ARMC2: variants seen among roughly 807,000 people sequenced by gnomAD.
ARMC2 encodes the protein armadillo repeat containing 2, also known as armadillo repeat-containing protein 2.
In ARMC2, 67 loss-of-function variants were observed where a neutral mutation model predicts 90.3. That is an observed-to-expected ratio of 0.74 (90% CI 0.61 to 0.91). ARMC2 has a LOEUF of 0.91. Among genes scored for constraint, ARMC2 ranks in the 40% least tolerant of loss-of-function variants. ARMC2 has a pLI of 0.00. For synonymous variants in ARMC2, 393 were observed against 393.0 expected (o/e 1.00, Z 0.00); for missense variants, 920 against 1,030.9 (o/e 0.89, Z 1.47).
the ARMC2 span, among the ~76,000 whole-genome samples, chr6:109,017,237 AC>A: frequency 6.6e-6 from 1 of 152,166 alleles, no homozygotes; most frequent in Non-Finnish European, 1.5e-5. Context: ...ATACTATGTA[AC>A]CATTTAGCAT....
At chr6:109,031,927 T>C in the ARMC2 span, among the ~76,000 whole-genome samples, 2 of 152,180 alleles carry the variant, frequency 1.3e-5, no homozygotes, top group Admixed American at 1.3e-4. Flanking sequence ...AGTCTAAACA[T>C]GAAATTCACT....
chr6:108,940,369 CCCAAGTG>C (rs1313508109), intron 12 of ARMC2, among the ~76,000 whole-genome samples: 1 of 152,114 alleles, frequency 6.6e-6, no homozygotes, highest in Non-Finnish European at 1.5e-5. Flanking sequence ...GAGAGAGGCA[CCCAAGTG>C]GAACTTCTGG....
Position 108,926,910 on chromosome 6 carries a change from T to G in ARMC2, c.1351-1178T>G, listed in dbSNP as rs149573779. On this transcript the variant is annotated intron_variant, in intron 10 of 17. Transcript: ENST00000392644. ...ATTGATTACAAAAGACATGTACACA[T>G]TTATTTGAAGCTTTTTTTTTTTTTT... Among the ~76,000 whole-genome samples, 262 of 140,886 alleles carry G rather than the reference T, an allele frequency of 1.9e-3. 1 individual carries two copies. Among genetic ancestry groups the G allele is most frequent in the African/African-American group, 6.2e-3 (250 of 40,266 alleles). 92.4% of individuals were successfully genotyped at this position (140,886 alleles called of 152,430 possible). A position where few individuals can be genotyped will look rare whatever the true frequency, so the allele number is the denominator to read the frequency against.
In ARMC2 at chr6:108,973,368, G is replaced by A. The variant is rs367809724; in HGVS notation, c.2458G>A (p.Ala820Thr). The A allele has an allele frequency of 1.9e-6, 3 of 1,612,324 alleles. No individual in the cohort carries two copies. Among genetic ancestry groups the A allele is most frequent in the Non-Finnish European group, 2.5e-6 (3 of 1,178,952 alleles). Reference protein sequence around the residue: ...LLSSFLDEELALDGSFDPDLK... With the variant: ...LLSSFLDEELTLDGSFDPDLK... The stretch of plus-strand genomic sequence containing the variant: ...TTTTTCTAATACAGATGAAGAACTA[G>A]CACTGGATGGCAGTTTTGATCCAGA... Residue 820 changes from alanine (A) to threonine (T), a missense_variant, in exon 18 of 18, where the codon GCA becomes ACA. Physicochemically the swap from Ala to Thr is moderately conservative, Grantham distance 58. Transcript: ENST00000392644.
chr6:109,017,402 C>T, the ARMC2 span, among the ~76,000 whole-genome samples: 3 of 152,122 alleles, frequency 2.0e-5, no homozygotes, highest in African/African-American at 4.8e-5. Context: ...TCTCCTGCCT[C>T]AGCCTCCCAA....
intron 12 of ARMC2, 91 bp downstream of exon 12, chr6:108,937,090 A>G (rs1315559823): frequency 1.2e-5 from 13 of 1,126,340 alleles, no homozygotes; most frequent in Non-Finnish European, 1.6e-5. Context: ...TTTTGAGTAT[A>G]TAGGTTTCTA....
chr6:108,978,895 C>T (rs1779036191), downstream of ARMC2, among the ~76,000 whole-genome samples: 1 of 151,822 alleles, frequency 6.6e-6, no homozygotes, highest in Non-Finnish European at 1.5e-5. Context: ...TGTGTCTTTC[C>T]ACATCAGATG....
At chr6:108,885,167 G>GTA (rs932529789) in intron 5 of ARMC2, among the ~76,000 whole-genome samples, 17 of 151,622 alleles carry the variant, frequency 1.1e-4, no homozygotes, top group East Asian at 3.9e-4. Context: ...ATCTAATCGT[G>GTA]TATATATATA....
rs936290149 is a variant in ARMC2, at chr6:108,945,779, G to C, written c.1597-7254G>C. Among the ~76,000 whole-genome samples the C allele has an allele frequency of 2.0e-5, 3 of 152,230 alleles. 1 individual carries two copies. Among genetic ancestry groups the C allele is most frequent in the Admixed American group, 1.3e-4 (2 of 15,284 alleles). Reference sequence around the variant, plus strand: ...AAGCAAAACCACCTCCATTTTTCTAGCTGTTCATCTTGAATGTGACCACAG... The same window carrying C: ...AAGCAAAACCACCTCCATTTTTCTACCTGTTCATCTTGAATGTGACCACAG... On this transcript the variant is annotated intron_variant, in intron 12 of 17. Transcript: ENST00000392644.
intron 2 of ARMC2, among the ~76,000 whole-genome samples, 165 bp downstream of exon 2, chr6:108,854,650 C>A (rs1161797902): frequency 6.6e-6 from 1 of 152,154 alleles, no homozygotes; most frequent in African/African-American, 2.4e-5. Flanking sequence ...CCATGTACCC[C>A]CTACCACAAC....
At chr6:108,924,342 A>G (rs1774901008) in intron 10 of ARMC2, among the ~76,000 whole-genome samples, 3 of 152,064 alleles carry the variant, frequency 2.0e-5, no homozygotes, top group Admixed American at 1.3e-4. Context: ...ACATGGCAAA[A>G]CCCTGTCTCT....
chr6:109,030,006 C>A, the ARMC2 span, among the ~76,000 whole-genome samples: 2 of 152,156 alleles, frequency 1.3e-5, no homozygotes, highest in Non-Finnish European at 2.9e-5. Context: ...GTACCCAACC[C>A]TCAAAATGTT....
intron 3 of ARMC2, among the ~76,000 whole-genome samples, chr6:108,862,918 T>C (rs1057127836): frequency 2.0e-5 from 3 of 152,244 alleles, no homozygotes; most frequent in Middle Eastern, 6.8e-3. Context: ...CAATGCTGCT[T>C]TTGTACAGCT....
chr6:108,949,348 G>A (rs2768552), intron 12 of ARMC2, among the ~76,000 whole-genome samples: 53,759 of 152,052 alleles, frequency 0.35, 11,413 homozygotes, highest in African/African-American at 0.6. Context: ...ATCATTTTTA[G>A]TGAATTAGTT....
chr6:108,983,216 A>G, the ARMC2 span, among the ~76,000 whole-genome samples: 3 of 152,194 alleles, frequency 2.0e-5, no homozygotes. Flanking sequence ...ATTTTCTCCT[A>G]TCCCATAGGT....
intron 17 of ARMC2, among the ~76,000 whole-genome samples, chr6:108,966,808 C>T (rs905570587): frequency 6.6e-6 from 1 of 152,120 alleles, no homozygotes; most frequent in East Asian, 1.9e-4. Context: ...CTGGCCCCAG[C>T]CCTAGGAATT....
intron 12 of ARMC2, among the ~76,000 whole-genome samples, chr6:108,945,707 C>T (rs538701477): frequency 2.3e-4 from 35 of 152,344 alleles, no homozygotes; most frequent in Admixed American, 2.0e-3. Flanking sequence ...GCTTAGCCAT[C>T]GTGGTATCAG....
chr6:108,933,262 C>A (rs997254621), intron 11 of ARMC2, among the ~76,000 whole-genome samples: 1 of 151,926 alleles, frequency 6.6e-6, no homozygotes, highest in Non-Finnish European at 1.5e-5. Flanking sequence ...TTTTGTAATT[C>A]TCATTGTAGA....
At chr6:108,994,689 AATTTAT>A in the ARMC2 span, 1 of 921,078 alleles carries the variant, frequency 1.1e-6, no homozygotes, top group Non-Finnish European at 1.5e-6. Context: ...GTCTCATAAG[AATTTAT>A]ATCTTTTTTT....
Sources: gnomAD v4.1 joint callset for allele counts (sites outside exome capture counted in the v4.1 genomes callset) on GRCh38, gnomAD v4.1.1 for gene constraint, MANE v1.5 for transcripts, NCBI Gene and HGNC (gene_info 2026-07-23, HGNC 2026-07-21) for gene names.